Variants in SLC35F1 observed in about 807,000 individuals in gnomAD.
SLC35F1 encodes the protein chromosome 6 open reading frame 169.
Under a neutral mutation model 48.7 loss-of-function variants are expected in SLC35F1, and 14 were observed. The ratio of observed to expected loss-of-function variants is 0.29; its 90% CI spans 0.19 to 0.45. The LOEUF (loss-of-function observed/expected upper bound fraction) is 0.45. Among genes scored for constraint, SLC35F1 ranks in the 20% least tolerant of loss-of-function variants. The probability of loss-of-function intolerance (pLI) is 1.00; values close to 1 mark genes in which losing one functional copy is unlikely to be tolerated. For missense variants in SLC35F1, 404 were observed against 500.0 expected (o/e 0.81, Z 1.83); for synonymous variants, 190 against 202.2 (o/e 0.94, Z 0.51).
At chr6:118,244,935 C>T (rs1027575917) in intron 3 of SLC35F1, among the ~76,000 whole-genome samples, 2 of 152,196 alleles carry the variant, frequency 1.3e-5, no homozygotes, top group African/African-American at 4.8e-5. Context: ...TTGGGCAAGG[C>T]AACACAAGTG....
intron 7 of SLC35F1, among the ~76,000 whole-genome samples, chr6:118,290,813 G>A (rs1167178619): frequency 3.7e-5 from 3 of 81,284 alleles, no homozygotes; most frequent in African/African-American, 1.4e-4. Flanking sequence ...TTTTTTTTTC[G>A]AGACAGAGTC....
intron 3 of SLC35F1, among the ~76,000 whole-genome samples, chr6:118,259,354 C>G (rs1775684503): frequency 6.6e-6 from 1 of 151,842 alleles, no homozygotes; most frequent in South Asian, 2.1e-4. Context: ...AAAGTGTATA[C>G]TCTTTAGACC....
At chr6:118,012,326 GAAAAAA>G (rs11395051) in intron 1 of SLC35F1, among the ~76,000 whole-genome samples, 2 of 137,250 alleles carry the variant, frequency 1.5e-5, no homozygotes, top group African/African-American at 5.6e-5. Flanking sequence ...AATAAATGGG[GAAAAAA>G]AAAAAAAAGA....
chr6:117,991,396 T>C (rs949249995), intron 1 of SLC35F1, among the ~76,000 whole-genome samples: 2 of 152,208 alleles, frequency 1.3e-5, no homozygotes, highest in Admixed American at 6.5e-5. Context: ...CTTCCTATTT[T>C]GGTTTATATA....
intron 3 of SLC35F1, among the ~76,000 whole-genome samples, chr6:118,259,073 A>T (rs1389850822): frequency 6.6e-6 from 1 of 151,682 alleles, no homozygotes; most frequent in African/African-American, 2.4e-5. Flanking sequence ...ATAAAGGTCT[A>T]ATAGCCTTAA....
chr6:118,094,898 G>A (rs1260907551), intron 1 of SLC35F1, among the ~76,000 whole-genome samples: 1 of 152,074 alleles, frequency 6.6e-6, no homozygotes, highest in Non-Finnish European at 1.5e-5. Context: ...AACCCAGGAG[G>A]TGGAGGTTGC....
chr6:118,241,252 A>G, intron 3 of SLC35F1, among the ~76,000 whole-genome samples: 1 of 152,194 alleles, frequency 6.6e-6, no homozygotes, highest in Non-Finnish European at 1.5e-5. Flanking sequence ...AGAGCACCAA[A>G]TGCTCTTGTT....
intron 1 of SLC35F1, among the ~76,000 whole-genome samples, chr6:118,150,380 G>T (rs1456203335): frequency 6.6e-6 from 1 of 152,106 alleles, no homozygotes; most frequent in Admixed American, 6.6e-5. Context: ...CATAGTGTGT[G>T]ACATATAGAA....
chr6:118,008,262 G>C (rs915424053), intron 1 of SLC35F1, among the ~76,000 whole-genome samples: 2 of 111,968 alleles, frequency 1.8e-5, no homozygotes, highest in Non-Finnish European at 3.6e-5. Context: ...TAATTTTTAA[G>C]TAGTACACAG....
At position 118,104,096 on chromosome 6, in the gene SLC35F1, C is replaced by CCCCTTCCCTT. The variant is rs141839854; in HGVS notation, c.174-50331_174-50322dup. 9.9e-5 allele frequency among the ~76,000 whole-genome samples: 15 copies of CCCCTTCCCTT among 150,910 alleles called. No individual in the cohort carries two copies. In the East Asian group the frequency reaches 2.2e-3, roughly 22 times the overall value. On this transcript the variant is annotated intron_variant, in intron 1 of 7. Coordinates refer to ENST00000360388, the MANE Select transcript of SLC35F1 (RefSeq NM_001029858.4). Reference sequence around the variant, plus strand: ...TTTCTTCTTCCTTCATTTCTTCCCTCCCCTTCCCTTCCCTTCCCTTCCCTT... The same window carrying CCCCTTCCCTT: ...TTTCTTCTTCCTTCATTTCTTCCCTCCCCTTCCCTTCCCTTCCCTTCCCTTCCCTTCCCTT...
chr6:117,930,822 G>A (rs1371615545), intron 1 of SLC35F1, among the ~76,000 whole-genome samples: 9 of 152,150 alleles, frequency 5.9e-5, no homozygotes, highest in Admixed American at 5.9e-4. Context: ...GTGCTTTTGA[G>A]CAAGTTAATG....
Position 118,021,812 on chromosome 6 carries a change from G to A in SLC35F1, c.173+113913G>A, listed in dbSNP as rs138222909. 6.1e-3 allele frequency among the ~76,000 whole-genome samples: 926 copies of A among 152,270 alleles called. 10 individuals carry two copies. Among genetic ancestry groups the A allele is most frequent in the African/African-American group, 0.021 (890 of 41,538 alleles). ...GGTCTCACAGGGGGCCACTCGTCTG[G>A]CTGCAGTTGTTTGGTGGCTCCGCTA... On this transcript the variant is annotated intron_variant, in intron 1 of 7. Transcript: ENST00000360388.
At chr6:118,169,095 A>G (rs1375141064) in intron 2 of SLC35F1, among the ~76,000 whole-genome samples, 1 of 152,238 alleles carries the variant, frequency 6.6e-6, no homozygotes, top group African/African-American at 2.4e-5. Context: ...ATATCATAGT[A>G]TTCTAGAGGA....
intron 1 of SLC35F1, among the ~76,000 whole-genome samples, chr6:118,059,862 A>G (rs906918273): frequency 1.3e-5 from 2 of 152,176 alleles, no homozygotes; most frequent in African/African-American, 2.4e-5. Flanking sequence ...AAGATCTACT[A>G]CTGATCTAAT....
At chr6:118,238,818 T>A (rs72965615) in intron 3 of SLC35F1, among the ~76,000 whole-genome samples, 29,681 of 152,134 alleles carry the variant, frequency 0.2, 3,771 homozygotes, top group Non-Finnish European at 0.29. Context: ...AGTATCTGAA[T>A]CAATAGAAGA....
At chr6:118,126,777 CTGTT>C (rs1562297602) in intron 1 of SLC35F1, among the ~76,000 whole-genome samples, 2 of 151,548 alleles carry the variant, frequency 1.3e-5, no homozygotes, top group African/African-American at 2.4e-5. Flanking sequence ...ATTTGGCTCT[CTGTT>C]TGTCTGTTAT....
chr6:117,976,666 C>T (rs2114846889), intron 1 of SLC35F1, among the ~76,000 whole-genome samples: 1 of 152,080 alleles, frequency 6.6e-6, no homozygotes, highest in Middle Eastern at 3.4e-3. Flanking sequence ...TGCTATTTTC[C>T]TTGCTATAAT....
At chr6:117,995,340 C>T (rs983411754) in intron 1 of SLC35F1, among the ~76,000 whole-genome samples, 1 of 152,118 alleles carries the variant, frequency 6.6e-6, no homozygotes, top group Non-Finnish European at 1.5e-5. Flanking sequence ...TCATGAATTC[C>T]ACCCAGAGTT....
chr6:117,937,534 T>C (rs1386219374), intron 1 of SLC35F1, among the ~76,000 whole-genome samples: 5 of 152,198 alleles, frequency 3.3e-5, no homozygotes, highest in African/African-American at 1.2e-4. Context: ...AAGAGTTCTT[T>C]TCTCCCCAGG....
Sources: allele counts gnomAD v4.1 joint callset (sites outside exome capture counted in the v4.1 genomes callset), GRCh38; gene constraint gnomAD v4.1.1; transcripts MANE v1.5; gene names NCBI Gene and HGNC (gene_info 2026-07-23, HGNC 2026-07-21).